Variants in BUB1B observed in about 807,000 individuals in gnomAD.
BUB1B encodes the protein BUB1 mitotic checkpoint serine/threonine kinase B.
In BUB1B, 86 loss-of-function variants were observed where a neutral mutation model predicts 137.7. The observed-to-expected ratio is 0.62, with a 90% CI of 0.52 to 0.75. The LOEUF (loss-of-function observed/expected upper bound fraction) is 0.75. BUB1B is among the 30% of genes least tolerant of loss of function. The pLI, the probability that BUB1B is intolerant of heterozygous loss-of-function variation, is 0.00. For synonymous variants in BUB1B, 420 were observed against 417.9 expected (o/e 1.00, Z -0.06); for missense variants, 1,130 against 1,236.9 (o/e 0.91, Z 1.30).
chr15:40,209,599 T>C, intron 16 of BUB1B, 36 bp from the exon 17 acceptor site: 1 of 1,613,724 alleles, frequency 6.2e-7, no homozygotes, highest in Non-Finnish European at 8.5e-7. Flanking sequence ...AGGGTTTTTT[T>C]GGTGATATAT....
intron 22 of BUB1B, 123 bp downstream of exon 22, chr15:40,218,685 G>C (rs2037838395): frequency 1.3e-6 from 1 of 765,748 alleles, no homozygotes; most frequent in Admixed American, 2.0e-5. Flanking sequence ...AGTAGTTTCA[G>C]CCAGTTTTCA....
At chr15:40,191,084 C>T (rs1208874487) in intron 8 of BUB1B, among the ~76,000 whole-genome samples, 2 of 151,986 alleles carry the variant, frequency 1.3e-5, no homozygotes, top group African/African-American at 2.4e-5. Flanking sequence ...GACGGGGTTT[C>T]GCCATATTGC....
At chr15:40,164,146 G>C (rs1327255647) in intron 1 of BUB1B, among the ~76,000 whole-genome samples, 1 of 152,150 alleles carries the variant, frequency 6.6e-6, no homozygotes, top group African/African-American at 2.4e-5. Flanking sequence ...GTTTGCTTCT[G>C]CTTTTAGCTA....
intron 8 of BUB1B, among the ~76,000 whole-genome samples, chr15:40,192,745 T>G (rs762877016): frequency 6.6e-6 from 1 of 152,218 alleles, no homozygotes; most frequent in Non-Finnish European, 1.5e-5. Flanking sequence ...CTGAATGATA[T>G]TCCATTGTAT....
At chr15:40,188,802 C>G (rs1470747612) in intron 8 of BUB1B, among the ~76,000 whole-genome samples, 2 of 151,956 alleles carry the variant, frequency 1.3e-5, no homozygotes, top group Non-Finnish European at 2.9e-5. Context: ...AGGCTGGTCT[C>G]GAACTCCTGA....
intron 8 of BUB1B, among the ~76,000 whole-genome samples, chr15:40,190,237 AGAAGATT>A (rs1359280190): frequency 2.0e-5 from 3 of 152,330 alleles, no homozygotes; most frequent in African/African-American, 7.2e-5. Context: ...TTTCACTGAT[AGAAGATT>A]CATTCTTACT....
At chr15:40,200,786 C>A in intron 11 of BUB1B, 145 bp from the exon 12 acceptor site, 1 of 694,870 alleles carries the variant, frequency 1.4e-6, no homozygotes, top group Non-Finnish European at 2.4e-6. Flanking sequence ...AAGCTTCCAT[C>A]TTCTTTAAGA....
At chr15:40,210,071 TC>T in intron 17 of BUB1B, 38 bp from the exon 18 acceptor site, 1 of 1,506,342 alleles carries the variant, frequency 6.6e-7, no homozygotes, top group Non-Finnish European at 9.2e-7. Context: ...CTGTATATGT[TC>T]ACAGTGATTT....
intron 14 of BUB1B, 126 bp from the exon 15 acceptor site, chr15:40,206,058 T>G (rs2140903896): frequency 1.0e-6 from 1 of 958,428 alleles, no homozygotes; most frequent in Non-Finnish European, 1.6e-6. Context: ...CCTTTTTATA[T>G]TTGCCTAGAT....
rs2037225607 is a variant in BUB1B, at chr15:40,176,529, G to C, written c.437G>C (p.Gly146Ala). The C allele has an allele frequency of 6.2e-7, 1 of 1,613,988 alleles. No homozygotes were observed. Among genetic ancestry groups the C allele is most frequent in the Admixed American group, 1.7e-5 (1 of 59,980 alleles). Residue 146 changes from glycine to alanine, a missense_variant, in exon 5 of 23, where the codon GGG (glycine) becomes GCG (alanine). Transcript: ENST00000287598. ...ATGTACAGTTACTTGCACAACCAAG[G>C]GATTGGTGTTTCACTTGCTCAGTTC... Reference protein sequence around the residue: ...LDMYSYLHNQGIGVSLAQFYI... With the variant: ...LDMYSYLHNQAIGVSLAQFYI...
chr15:40,212,181 C>T (rs908450913), intron 18 of BUB1B, among the ~76,000 whole-genome samples: 1 of 152,212 alleles, frequency 6.6e-6, no homozygotes, highest in African/African-American at 2.4e-5. Flanking sequence ...TTAGCTCCAC[C>T]CTCAGCCTCA....
chr15:40,173,295 T>TAAAAAAAAA (rs61078619), intron 4 of BUB1B, among the ~76,000 whole-genome samples: 17 of 85,864 alleles, frequency 2.0e-4, no homozygotes, highest in South Asian at 4.5e-4. Context: ...GAAAAAAAGA[T>TAAAAAAAAA]AAAAAAAAAA....
chr15:40,173,669 TAC>T (rs759261093), intron 4 of BUB1B, among the ~76,000 whole-genome samples: 11 of 152,196 alleles, frequency 7.2e-5, no homozygotes, highest in Non-Finnish European at 1.3e-4. Context: ...AACACACACA[TAC>T]ACACAATAAA....
chr15:40,207,994 TACA>T (rs1438194408), intron 15 of BUB1B, among the ~76,000 whole-genome samples: 1 of 149,136 alleles, frequency 6.7e-6, no homozygotes, highest in Non-Finnish European at 1.5e-5. Context: ...TTTTTTGTTT[TACA>T]ACCTTTCAGC....
intron 12 of BUB1B, among the ~76,000 whole-genome samples, chr15:40,201,709 C>T (rs2140901440): frequency 6.6e-6 from 1 of 152,276 alleles, no homozygotes; most frequent in South Asian, 2.1e-4. Flanking sequence ...CTCTGTCGCC[C>T]AGGCTGGAGT....
At chr15:40,211,979 A>G (rs2037718740) in intron 18 of BUB1B, among the ~76,000 whole-genome samples, 1 of 152,078 alleles carries the variant, frequency 6.6e-6, no homozygotes, top group Non-Finnish European at 1.5e-5. Context: ...CCCGCCACCA[A>G]AAGCCTAGCT....
intron 1 of BUB1B, among the ~76,000 whole-genome samples, chr15:40,162,048 G>C (rs2140876931): frequency 6.6e-6 from 1 of 152,130 alleles, no homozygotes; most frequent in African/African-American, 2.4e-5. Flanking sequence ...GTGGAGATGT[G>C]GTCAGTACTA....
intron 8 of BUB1B, among the ~76,000 whole-genome samples, chr15:40,188,718 C>T (rs1252304383): frequency 6.6e-6 from 1 of 150,860 alleles, no homozygotes; most frequent in Non-Finnish European, 1.5e-5. Context: ...GAGTAGCTGG[C>T]ATTATAGACG....
At chr15:40,176,823 T>G (rs1410467338) in intron 5 of BUB1B, 150 bp downstream of exon 5, 1 of 840,534 alleles carries the variant, frequency 1.2e-6, no homozygotes, top group Non-Finnish European at 1.8e-6. Context: ...TTTTAAAAAT[T>G]TTATTTATCA....
Sources: allele counts gnomAD v4.1 joint callset (sites outside exome capture counted in the v4.1 genomes callset), GRCh38; gene constraint gnomAD v4.1.1; transcripts MANE v1.5; gene names NCBI Gene and HGNC (gene_info 2026-07-23, HGNC 2026-07-21).